AGBL1: variants seen among roughly 807,000 people sequenced by gnomAD.
The protein encoded by AGBL1 is AGBL carboxypeptidase 1.
A neutral mutation model predicts 118.9 loss-of-function variants in AGBL1; 130 were observed. That is an observed-to-expected ratio of 1.09 (90% confidence interval 0.95 to 1.26). AGBL1 has a LOEUF of 1.26. Ranked by LOEUF, AGBL1 falls within the 50% of genes most tolerant of loss-of-function variation. The probability of loss-of-function intolerance (pLI) is 0.00; values close to 1 mark genes in which losing one functional copy is unlikely to be tolerated. For synonymous variants in AGBL1, 555 were observed against 478.9 expected, an observed-to-expected ratio of 1.16 and a Z score of -2.08; for missense variants, 1,584 against 1,298.1, an observed-to-expected ratio of 1.22 and a Z score of -3.38.
At chr15:86,355,571 T>A (rs2080700361) in intron 17 of AGBL1, among the ~76,000 whole-genome samples, 1 of 152,232 alleles carries the variant, frequency 6.6e-6, no homozygotes, top group Non-Finnish European at 1.5e-5. Context: ...TTTGCCAAAC[T>A]TGACAAATCT....
At chr15:86,452,931 A>G (rs111872212) in intron 18 of AGBL1, among the ~76,000 whole-genome samples, 3 of 152,284 alleles carry the variant, frequency 2.0e-5, no homozygotes, top group African/African-American at 4.8e-5. Flanking sequence ...GCTCTGCTCA[A>G]TAATAACCTA....
intron 17 of AGBL1, among the ~76,000 whole-genome samples, chr15:86,371,649 G>T (rs1318568359): frequency 6.6e-6 from 1 of 152,170 alleles, no homozygotes; most frequent in African/African-American, 2.4e-5. Context: ...GAGAATGTGA[G>T]GTTTTGGGGT....
At position 86,601,661 on chromosome 15, in the gene AGBL1, T is replaced by C. The variant is rs577669117; in HGVS notation, c.2994+47124T>C. On this transcript the variant is annotated intron_variant, in intron 21 of 22. Coordinates refer to ENST00000614907, the MANE Select transcript of AGBL1 (RefSeq NM_001386094.1). ...AGAAGAAGGCACAAGTGGTGAGCTA[T>C]GGAGGACAAAGGGAAAGAAAAGGAG... Among the ~76,000 whole-genome samples, 36 of 152,202 alleles carry C rather than the reference T, an allele frequency of 2.4e-4. 1 individual carries two copies. Among genetic ancestry groups the C allele is most frequent in the Non-Finnish European group, 5.1e-4 (35 of 68,038 alleles).
At chr15:86,492,426 C>A (rs2082793198) in intron 18 of AGBL1, among the ~76,000 whole-genome samples, 2 of 151,790 alleles carry the variant, frequency 1.3e-5, no homozygotes. Context: ...CTCATCCCTA[C>A]TAAAAATACA....
chr15:86,278,937 A>G (rs758084931), intron 15 of AGBL1, among the ~76,000 whole-genome samples: 1 of 152,242 alleles, frequency 6.6e-6, no homozygotes, highest in Non-Finnish European at 1.5e-5. Flanking sequence ...AAGCTGAACC[A>G]CATTTGAGGT....
rs570634053 is a variant in AGBL1, at chr15:86,146,750, AGAACAGAAATGAGGTTGGCTGCTCAT to A, written c.262+2909_262+2934del. 1.1e-3 allele frequency among the ~76,000 whole-genome samples: 161 copies of A among 152,360 alleles called. 4 individuals carry two copies. In the South Asian group the frequency reaches 0.033, roughly 31 times the overall value. On this transcript the variant is annotated intron_variant, in intron 3 of 22. Transcript: ENST00000614907. ...CAAGTTGCCATGGGCTGACCTGAAC[AGAACAGAAATGAGGTTGGCTGCTCAT>A]GAAGGAATGGGATAGATATCTCTTT...
intron 22 of AGBL1, among the ~76,000 whole-genome samples, chr15:86,700,931 C>G (rs983691120): frequency 6.6e-6 from 1 of 152,036 alleles, no homozygotes; most frequent in African/African-American, 2.4e-5. Context: ...CAGAGTCAGC[C>G]GGATCAGGAA....
intron 5 of AGBL1, among the ~76,000 whole-genome samples, chr15:86,192,466 G>C (rs887459881): frequency 7.3e-5 from 11 of 151,680 alleles, no homozygotes; most frequent in Non-Finnish European, 1.3e-4. Context: ...TATCACATGG[G>C]CCATTCTAAA....
chr15:86,734,479 A>C (rs189789163), intron 22 of AGBL1, among the ~76,000 whole-genome samples: 1 of 152,260 alleles, frequency 6.6e-6, no homozygotes, highest in East Asian at 1.9e-4. Flanking sequence ...AAAGAGATTT[A>C]AGAGAGTAAG....
At chr15:86,694,980 G>A (rs2086231855) in intron 22 of AGBL1, among the ~76,000 whole-genome samples, 1 of 151,994 alleles carries the variant, frequency 6.6e-6, no homozygotes. Flanking sequence ...TTAATATGCT[G>A]TTGGATTCGG....
chr15:86,348,982 C>T (rs2080583504), intron 17 of AGBL1, among the ~76,000 whole-genome samples: 1 of 152,134 alleles, frequency 6.6e-6, no homozygotes. Flanking sequence ...AATCCAAAGA[C>T]TGTTGTCCTT....
At chr15:86,580,330 T>A (rs1433697439) in intron 21 of AGBL1, among the ~76,000 whole-genome samples, 1 of 152,172 alleles carries the variant, frequency 6.6e-6, no homozygotes, top group Non-Finnish European at 1.5e-5. Flanking sequence ...GAAAGTATAC[T>A]TTTGGCTGAA....
chr15:86,700,059 A>G (rs1341066767), intron 22 of AGBL1, among the ~76,000 whole-genome samples: 4 of 151,602 alleles, frequency 2.6e-5, no homozygotes, highest in South Asian at 2.1e-4. Flanking sequence ...TCCCCATTTC[A>G]TTATGTATTT....
chr15:86,242,594 G>T (rs760837020), intron 6 of AGBL1, among the ~76,000 whole-genome samples: 2 of 152,092 alleles, frequency 1.3e-5, no homozygotes, highest in African/African-American at 4.8e-5. Context: ...GGCAGGGAGG[G>T]GTACATGAGT....
At position 86,699,099 on chromosome 15, in the gene AGBL1, A is replaced by AT. The variant is rs570294766; in HGVS notation, c.3158+24671dup. On this transcript the variant is annotated intron_variant, in intron 22 of 22. Transcript: ENST00000614907. Reference sequence around the variant, plus strand: ...CAATCTCAGGTAACATGCCTTTCATATTTTTTTTAGTGTTTTAATGTTAAC... The same window carrying AT: ...CAATCTCAGGTAACATGCCTTTCATATTTTTTTTTAGTGTTTTAATGTTAAC... Among the ~76,000 whole-genome samples the AT allele has an allele frequency of 1.8e-3, 268 of 151,732 alleles. 4 individuals carry two copies. The East Asian group carries it at 0.022, about 12-fold the overall frequency.
At chr15:86,954,409 A>G (rs1447539032) in intron 23 of AGBL1, among the ~76,000 whole-genome samples, 3 of 152,230 alleles carry the variant, frequency 2.0e-5, no homozygotes, top group Non-Finnish European at 4.4e-5. Context: ...CTAGGTGTCC[A>G]TCAGTGATTG....
intron 18 of AGBL1, among the ~76,000 whole-genome samples, chr15:86,462,647 A>G (rs2082348806): frequency 6.6e-6 from 1 of 151,704 alleles, no homozygotes. Flanking sequence ...ATATGTTCTC[A>G]CTGTTCAACT....
intron 23 of AGBL1, among the ~76,000 whole-genome samples, chr15:86,932,372 C>T (rs955374126): frequency 5.3e-5 from 8 of 152,182 alleles, no homozygotes; most frequent in African/African-American, 1.9e-4. Context: ...TTACTCAAGT[C>T]ATTTGATTAA....
chr15:86,791,750 A>ATATATATATT (rs2078496977), intron 22 of AGBL1, among the ~76,000 whole-genome samples: 1 of 130,310 alleles, frequency 7.7e-6, no homozygotes, highest in Non-Finnish European at 1.7e-5. Context: ...ATATATATAT[A>ATATATATATT]TTTTGAGACA....
Sources: allele counts gnomAD v4.1 joint callset (sites outside exome capture counted in the v4.1 genomes callset), GRCh38; gene constraint gnomAD v4.1.1; transcripts MANE v1.5; gene names NCBI Gene and HGNC (gene_info 2026-07-23, HGNC 2026-07-21).